PLCL2: variants seen among roughly 807,000 people sequenced by gnomAD.
PLCL2 encodes the protein inactive phospholipase C-like protein 2.
In PLCL2, 4 loss-of-function variants were observed where a neutral mutation model predicts 79.6. That is an observed-to-expected ratio of 0.05 (90% confidence interval 0.02 to 0.11). PLCL2 has a LOEUF of 0.11. Ranked by LOEUF, PLCL2 falls within the 10% of genes least tolerant of loss-of-function variation. PLCL2 has a pLI of 1.00. For synonymous variants in PLCL2, 484 were observed against 457.7 expected, an observed-to-expected ratio of 1.06 and a Z score of -0.73; for missense variants, 895 against 1,291.0, an observed-to-expected ratio of 0.69 and a Z score of 4.70.
At chr3:17,053,343 G>A (rs1381532396) in intron 4 of PLCL2, among the ~76,000 whole-genome samples, 5 of 152,194 alleles carry the variant, frequency 3.3e-5, no homozygotes, top group Middle Eastern at 6.8e-3. Flanking sequence ...TAAACAACCA[G>A]ATCTCATGAG....
intron 1 of PLCL2, among the ~76,000 whole-genome samples, chr3:16,905,254 G>T (rs1409322857): frequency 6.6e-6 from 1 of 152,122 alleles, no homozygotes; most frequent in African/African-American, 2.4e-5. Flanking sequence ...GGTTTTGGGG[G>T]ATTTTCACAC....
chr3:17,009,667 C>A lies in PLCL2; in HGVS notation c.328-7C>A. 6.8e-7 allele frequency: 1 copy of A among 1,467,866 alleles called. No homozygotes were observed. Among genetic ancestry groups the A allele is most frequent in the Non-Finnish European group, 9.3e-7 (1 of 1,079,844 alleles). 90.9% of individuals were successfully genotyped at this position (1,467,866 alleles called of 1,614,324 possible). A position where few individuals can be genotyped will look rare whatever the true frequency, so the allele number is the denominator to read the frequency against. On this transcript the variant is annotated splice_region_variant and splice_polypyrimidine_tract_variant and intron_variant, in intron 1 of 5. Coordinates refer to ENST00000615277, the MANE Select transcript of PLCL2 (RefSeq NM_001144382.2). The surrounding 1 kb of genome is among the most constrained non-coding windows in gnomAD (Gnocchi z 4.0). ...TATTCTAATATACGGTCTTTTTTTC[C>A]TCTCAGGATGGTACAAAACAGAAGA...
intron 5 of PLCL2, among the ~76,000 whole-genome samples, chr3:17,081,917 T>C (rs2065166020): frequency 6.6e-6 from 1 of 152,144 alleles, no homozygotes; most frequent in Non-Finnish European, 1.5e-5. Context: ...GAAAACAAAA[T>C]AGAATAAGTT....
chr3:17,029,065 A>AGAAG (rs2064550128), intron 3 of PLCL2, among the ~76,000 whole-genome samples: 1 of 152,072 alleles, frequency 6.6e-6, no homozygotes, highest in Non-Finnish European at 1.5e-5. Flanking sequence ...CTGCTCTTCC[A>AGAAG]GTCTTAGGTC....
At chr3:17,018,148 T>C (rs766700771) in intron 3 of PLCL2, among the ~76,000 whole-genome samples, 53 of 152,084 alleles carry the variant, frequency 3.5e-4, no homozygotes, top group Non-Finnish European at 6.0e-4. Flanking sequence ...CTATTAGCAG[T>C]GCTGGAGTCA....
rs17042839 is a variant in PLCL2, at chr3:16,903,736, C to T, written c.327+18370C>T. ...GAAGTCACACCTAACTGGAGAAACC[C>T]TGTGAAGCTTTATTTTTGGGAAATG... On this transcript the variant is annotated intron_variant, in intron 1 of 5. Transcript: ENST00000615277. 5.4e-3 allele frequency among the ~76,000 whole-genome samples: 815 copies of T among 152,268 alleles called. 9 individuals are homozygous for T. Among genetic ancestry groups the T allele is most frequent in the African/African-American group, 0.019 (780 of 41,546 alleles).
intron 1 of PLCL2, among the ~76,000 whole-genome samples, chr3:16,942,007 C>G (rs567081551): frequency 6.6e-6 from 1 of 152,188 alleles, no homozygotes; most frequent in South Asian, 2.1e-4. Context: ...AAGCTTTAGT[C>G]AATAAAAACT....
At chr3:16,992,852 G>C (rs572823054) in intron 1 of PLCL2, among the ~76,000 whole-genome samples, 1 of 152,192 alleles carries the variant, frequency 6.6e-6, no homozygotes, top group Non-Finnish European at 1.5e-5. Flanking sequence ...TAAGGATTCA[G>C]CCACCATGCC....
chr3:17,075,560 A>AT (rs1224090516), intron 5 of PLCL2, among the ~76,000 whole-genome samples: 10 of 151,942 alleles, frequency 6.6e-5, no homozygotes, highest in Admixed American at 6.6e-4. Context: ...AAAAAAAAAA[A>AT]AAAATGCAGT....
chr3:16,947,230 G>A (rs763040213), intron 1 of PLCL2, among the ~76,000 whole-genome samples: 7 of 151,956 alleles, frequency 4.6e-5, no homozygotes, highest in South Asian at 2.1e-4. Context: ...GATTATAGGC[G>A]CGAGCCACCG....
intron 1 of PLCL2, among the ~76,000 whole-genome samples, chr3:16,936,574 T>C (rs956742235): frequency 1.3e-5 from 2 of 152,244 alleles, no homozygotes; most frequent in African/African-American, 4.8e-5. Flanking sequence ...GTTAAAAGTT[T>C]ATCTTTCTAC....
At chr3:16,913,830 G>A (rs1411520370) in intron 1 of PLCL2, among the ~76,000 whole-genome samples, 1 of 152,068 alleles carries the variant, frequency 6.6e-6, no homozygotes, top group East Asian at 1.9e-4. Context: ...ATGATTTTAT[G>A]GAAGAAAGAT....
At chr3:17,079,064 G>A (rs115056110) in intron 5 of PLCL2, among the ~76,000 whole-genome samples, 4,828 of 152,310 alleles carry the variant, frequency 0.032, 120 homozygotes, top group South Asian at 0.063. Context: ...CTCAGCTAAT[G>A]TTTGACTGTG....
intron 1 of PLCL2, among the ~76,000 whole-genome samples, chr3:16,954,129 A>G (rs1243391428): frequency 6.6e-6 from 1 of 151,938 alleles, no homozygotes; most frequent in African/African-American, 2.4e-5. Context: ...GCACCCATTA[A>G]CTCGCCATTT....
intron 1 of PLCL2, among the ~76,000 whole-genome samples, chr3:16,950,120 C>G (rs910831111): frequency 3.3e-5 from 5 of 152,164 alleles, no homozygotes; most frequent in African/African-American, 1.2e-4. Flanking sequence ...CTTCAACTAT[C>G]TTGTATTTGT....
At chr3:17,021,972 T>A (rs1452450490) in intron 3 of PLCL2, among the ~76,000 whole-genome samples, 1 of 152,160 alleles carries the variant, frequency 6.6e-6, no homozygotes, top group Admixed American at 6.5e-5. Context: ...TTAGCATCAC[T>A]TCAGTTCCTG....
intron 3 of PLCL2, among the ~76,000 whole-genome samples, chr3:17,028,840 G>A (rs760431178): frequency 2.0e-5 from 3 of 152,026 alleles, no homozygotes; most frequent in Admixed American, 6.6e-5. Context: ...GCAACATTGC[G>A]TTCTCAGCAC....
At chr3:17,014,668 C>T (rs1219778862) in intron 2 of PLCL2, 40 bp from the exon 3 acceptor site, 1 of 1,465,198 alleles carries the variant, frequency 6.8e-7, no homozygotes, top group South Asian at 1.1e-5. Context: ...AAGTAAAACC[C>T]CCAGTTAATT....
At chr3:16,996,699 T>C (rs534852626) in intron 1 of PLCL2, among the ~76,000 whole-genome samples, 1 of 150,600 alleles carries the variant, frequency 6.6e-6, no homozygotes, top group South Asian at 2.1e-4. Context: ...GATGCTGTTA[T>C]CAAAAAAAAA....
Sources: allele counts gnomAD v4.1 joint callset (sites outside exome capture counted in the v4.1 genomes callset), GRCh38; gene constraint gnomAD v4.1.1; non-coding constraint Gnocchi (gnomAD v3.1); transcripts MANE v1.5; gene names NCBI Gene and HGNC (gene_info 2026-07-23, HGNC 2026-07-21).